The following ZMYM2 variants were observed in gnomAD, a reference collection of about 807,000 sequenced individuals.
ZMYM2 encodes zinc finger MYM-type containing 2, also known as zinc finger MYM-type protein 2.
Under a neutral mutation model 162.8 loss-of-function variants are expected in ZMYM2, and 56 were observed. The ratio of observed to expected loss-of-function variants is 0.34; its 90% CI spans 0.28 to 0.43. ZMYM2 has a LOEUF of 0.43. Ranked by LOEUF, ZMYM2 falls within the 20% of genes least tolerant of loss-of-function variation. The probability of loss-of-function intolerance (pLI) is 1.00; values close to 1 mark genes in which losing one functional copy is unlikely to be tolerated. For missense variants in ZMYM2, 1,275 were observed against 1,621.8 expected (o/e 0.79, Z 3.67); for synonymous variants, 510 against 541.6 (o/e 0.94, Z 0.81).
At chr13:19,966,592 C>T (rs764487691) in intron 2 of ZMYM2, among the ~76,000 whole-genome samples, 9 of 151,868 alleles carry the variant, frequency 5.9e-5, no homozygotes, top group African/African-American at 1.7e-4. Flanking sequence ...CAGGCATGTG[C>T]CACCACGCCG....
the ZMYM2 span, among the ~76,000 whole-genome samples, chr13:19,901,381 G>A: frequency 1.5e-3 from 224 of 152,312 alleles, 2 homozygotes; most frequent in Admixed American, 3.9e-3. Flanking sequence ...CAACCCAAGC[G>A]TCCACTGATA....
At chr13:19,971,244 G>GTGTGTGTGTATATATATA (rs5802035) in intron 2 of ZMYM2, among the ~76,000 whole-genome samples, 13 of 50,136 alleles carry the variant, frequency 2.6e-4, no homozygotes, top group African/African-American at 8.5e-4. Flanking sequence ...GTGTGTGTGT[G>GTGTGTGTGTATATATATA]TATATATATA....
chr13:19,986,033 C>G (rs1470164659), intron 2 of ZMYM2, among the ~76,000 whole-genome samples: 1 of 151,588 alleles, frequency 6.6e-6, no homozygotes, highest in Non-Finnish European at 1.5e-5. Context: ...CAAAAAAATA[C>G]AAAAAAATCA....
chr13:20,054,519 A>G (rs1955630820), intron 14 of ZMYM2, among the ~76,000 whole-genome samples: 1 of 152,318 alleles, frequency 6.6e-6, no homozygotes, highest in East Asian at 1.9e-4. Flanking sequence ...GGTGCTTTTC[A>G]TAGTCCCTGG....
At chr13:19,964,058 G>A (rs557073896) in intron 2 of ZMYM2, among the ~76,000 whole-genome samples, 5 of 152,260 alleles carry the variant, frequency 3.3e-5, no homozygotes, top group East Asian at 3.9e-4. Flanking sequence ...AAATATTCAT[G>A]TTTGCTATTT....
the ZMYM2 span, among the ~76,000 whole-genome samples, chr13:19,877,356 A>T: frequency 1.3e-5 from 2 of 152,190 alleles, no homozygotes; most frequent in African/African-American, 4.8e-5. Context: ...GGGAGTAGAC[A>T]TGTGTAAAGA....
intron 12 of ZMYM2, among the ~76,000 whole-genome samples, chr13:20,046,074 T>A (rs1369609288): frequency 9.7e-5 from 14 of 144,390 alleles, no homozygotes; most frequent in African/African-American, 2.9e-4. Flanking sequence ...AGAGCCCATC[T>A]CTGCAAAAAA....
intron 2 of ZMYM2, among the ~76,000 whole-genome samples, chr13:19,966,191 A>G (rs534322530): frequency 6.6e-6 from 1 of 150,760 alleles, no homozygotes; most frequent in South Asian, 2.1e-4. Flanking sequence ...CTGGAGTGCA[A>G]TGGTGCAATC....
Position 20,036,905 on chromosome 13 carries a change from A to G in ZMYM2, c.2288A>G (p.Tyr763Cys), listed in dbSNP as rs561805876. The change falls in exon 12 of 25, where the codon TAC becomes TGC. Residue 763 changes from tyrosine (Y) to cysteine (C), a missense_variant. Coordinates refer to ENST00000610343, the MANE Select transcript of ZMYM2 (RefSeq NM_197968.4). ...DCCKKFQDWYYKAARCDCCKS... is the reference protein window; with the variant it reads ...DCCKKFQDWYCKAARCDCCKS... Reference sequence around the variant, plus strand: ...TGTAAAAAATTTCAGGATTGGTACTACAAGGCGAGTAACTCCTTTATTACA... The same window carrying G: ...TGTAAAAAATTTCAGGATTGGTACTGCAAGGCGAGTAACTCCTTTATTACA... The G allele has an allele frequency of 1.9e-6, 3 of 1,606,552 alleles. No homozygotes were observed. The highest frequency in any genetic ancestry group is 1.1e-5 in the South Asian group (1 of 89,062).
chr13:20,006,269 A>C (rs1247034384), intron 5 of ZMYM2, 105 bp from the exon 6 acceptor site: 5 of 1,259,980 alleles, frequency 4.0e-6, no homozygotes, highest in Admixed American at 2.9e-5. Flanking sequence ...CCTTTTCTCC[A>C]AACAAGCCTT....
intron 7 of ZMYM2, chr13:20,026,137 G>C (rs1392987346): frequency 6.6e-6 from 1 of 152,090 alleles, no homozygotes; most frequent in East Asian, 1.9e-4. Context: ...ATTTTTAAGA[G>C]AAGTTCCAAG....
the ZMYM2 span, among the ~76,000 whole-genome samples, chr13:19,913,688 G>A: frequency 1.3e-5 from 2 of 152,210 alleles, no homozygotes; most frequent in African/African-American, 4.8e-5. Context: ...TCTCGCCACT[G>A]CATGCCAGCC....
At chr13:19,961,835 A>G (rs768517687) in intron 2 of ZMYM2, among the ~76,000 whole-genome samples, 5 of 152,246 alleles carry the variant, frequency 3.3e-5, no homozygotes, top group Non-Finnish European at 7.3e-5. Context: ...AGTAAGATGA[A>G]GATAACCTGA....
At chr13:20,085,150 T>C (rs964063860) in intron 24 of ZMYM2, among the ~76,000 whole-genome samples, 2 of 152,242 alleles carry the variant, frequency 1.3e-5, no homozygotes, top group East Asian at 1.9e-4. Flanking sequence ...CTGTGTGTTA[T>C]GTGCCTGTGT....
chr13:19,991,896 C>T (rs1949659193), intron 2 of ZMYM2, among the ~76,000 whole-genome samples: 1 of 152,130 alleles, frequency 6.6e-6, no homozygotes, highest in Non-Finnish European at 1.5e-5. Context: ...TCCCAATGGT[C>T]ACACTGCCTT....
upstream of ZMYM2, among the ~76,000 whole-genome samples, chr13:19,955,540 A>G (rs1374159979): frequency 3.3e-5 from 5 of 152,310 alleles, no homozygotes; most frequent in Middle Eastern, 3.4e-3. Context: ...CTACATCTCA[A>G]TTAACGGTGA....
At chr13:19,917,598 A>T in the ZMYM2 span, among the ~76,000 whole-genome samples, 4 of 147,122 alleles carry the variant, frequency 2.7e-5, no homozygotes, top group African/African-American at 1.0e-4. Context: ...CTCAAATTTA[A>T]AAAAAAAAAA....
the ZMYM2 span, among the ~76,000 whole-genome samples, chr13:19,925,149 G>T: frequency 6.6e-6 from 1 of 152,286 alleles, no homozygotes; most frequent in East Asian, 1.9e-4. Flanking sequence ...CTCCCAAAGT[G>T]CTGGGATTAC....
intron 21 of ZMYM2, among the ~76,000 whole-genome samples, chr13:20,075,388 A>G (rs1324553253): frequency 2.0e-5 from 3 of 152,172 alleles, no homozygotes; most frequent in Non-Finnish European, 2.9e-5. Flanking sequence ...CTGGTACTGT[A>G]TGAAAGGGGA....
Sources: gnomAD v4.1 joint callset for allele counts (sites outside exome capture counted in the v4.1 genomes callset) on GRCh38, gnomAD v4.1.1 for gene constraint, MANE v1.5 for transcripts, NCBI Gene and HGNC (gene_info 2026-07-23, HGNC 2026-07-21) for gene names.